The following DNAH17 variants were observed in gnomAD, a reference collection of about 807,000 sequenced individuals.
DNAH17 encodes the protein dynein axonemal heavy chain 17, also known as axonemal beta dynein heavy chain 17.
In DNAH17, 376 loss-of-function variants were observed where a neutral mutation model predicts 485.6. That is an observed-to-expected ratio of 0.77 (90% CI 0.71 to 0.84). DNAH17 has a LOEUF of 0.84. Ranked by LOEUF, DNAH17 falls within the 40% of genes least tolerant of loss-of-function variation. The pLI is 0.00. For missense variants in DNAH17, 6,370 were observed against 5,839.3 expected (o/e 1.09, Z -2.96); for synonymous variants, 3,031 against 2,405.9 (o/e 1.26, Z -7.60).
intron 19 of DNAH17, 74 bp from the exon 20 acceptor site, chr17:78,532,810 C>A (rs2091277494): frequency 6.9e-7 from 1 of 1,449,362 alleles, no homozygotes; most frequent in African/African-American, 1.4e-5. Flanking sequence ...GTCCTCTCGG[C>A]CTTGAGAAGT....
At chr17:78,482,992 G>A (rs2089417592) in intron 48 of DNAH17, among the ~76,000 whole-genome samples, 1 of 152,208 alleles carries the variant, frequency 6.6e-6, no homozygotes, top group Non-Finnish European at 1.5e-5. Context: ...GGCCTCGCGA[G>A]TTGCAGGGAA....
At position 78,561,812 on chromosome 17, in the gene DNAH17, T is replaced by C; in HGVS notation, c.1738A>G (p.Lys580Glu). The stretch of plus-strand genomic sequence containing the variant: ...TGCCCGGCCACGGGAGGCATGTTTT[T>C]GTGGATCAGGGGGATGTTCCCCTCC... Reference protein sequence around the residue: ...SEEGNIPLIHKNMPPVAGQLK... With the variant: ...SEEGNIPLIHENMPPVAGQLK... Residue 580 changes from lysine (K) to glutamate (E), a missense_variant, in exon 12 of 81, where the codon AAA becomes GAA. Transcript: ENST00000389840. 6.2e-7 allele frequency: 1 copy of C among 1,613,894 alleles called. No homozygotes were observed. The highest frequency in any genetic ancestry group is 8.5e-7 in the Non-Finnish European group (1 of 1,179,844).
chr17:78,537,451 T>A lies in DNAH17; in HGVS notation c.2707A>T (p.Met903Leu), dbSNP rs1266126107. The change falls in exon 19 of 81, where the codon ATG becomes TTG. Residue 903 changes from methionine to leucine, a missense_variant. Transcript: ENST00000389840. ...GTCAGCCCATCCTCGTCCAGCTCCA[T>A]GCGGATCTCAAACAGGGGAGCGATA... is the stretch of plus-strand genomic sequence containing the variant. ...ESIAPLFEIR[M>L]ELDEDGLTFN... is the part of the protein sequence containing the mutation. 2.5e-6 allele frequency: 4 copies of A among 1,613,358 alleles called. No homozygotes were observed. Among genetic ancestry groups the A allele is most frequent in the Non-Finnish European group, 2.5e-6 (3 of 1,179,838 alleles).
At position 78,569,371 on chromosome 17, in the gene DNAH17, G is replaced by C. The variant is rs1407515666; in HGVS notation, c.1197+4C>G. ...TTGGCCCTCGCCCTGCGAGGAAGGG[G>C]TACCTTAAAGAAAAGCTTCATGTTC... On this transcript the variant is annotated splice_donor_region_variant and intron_variant, in intron 8 of 80. Coordinates refer to ENST00000389840, the MANE Select transcript of DNAH17 (RefSeq NM_173628.4). The C allele has an allele frequency of 6.2e-7, 1 of 1,612,834 alleles. No individual in the cohort carries two copies. Among genetic ancestry groups the C allele is most frequent in the Admixed American group, 1.7e-5 (1 of 59,842 alleles).
At chr17:78,467,815 C>T (rs895613776) in intron 55 of DNAH17, among the ~76,000 whole-genome samples, 7 of 152,074 alleles carry the variant, frequency 4.6e-5, no homozygotes, top group African/African-American at 1.7e-4. Context: ...GTCAGGAGTT[C>T]AAGACCAGCC....
chr17:78,527,871 T>C lies in DNAH17; in HGVS notation c.3508-875A>G, dbSNP rs188207935. The stretch of plus-strand genomic sequence containing the variant: ...TTGGCTCACCACAACCGCTGCCTTC[T>C]GGGTTCAAGTGATTCTCATGCCTCA... On this transcript the variant is annotated intron_variant, in intron 22 of 80. Coordinates refer to ENST00000389840, the MANE Select transcript of DNAH17 (RefSeq NM_173628.4). Among the ~76,000 whole-genome samples the C allele has an allele frequency of 9.1e-4, 139 of 152,262 alleles. 3 individuals carry two copies. The East Asian group carries it at 0.022, about 24-fold the overall frequency.
chr17:78,493,601 T>TC (rs1381774828), intron 41 of DNAH17, among the ~76,000 whole-genome samples: 1 of 152,138 alleles, frequency 6.6e-6, no homozygotes, highest in Non-Finnish European at 1.5e-5. Flanking sequence ...AGCAGAAGGG[T>TC]CCAGCCTGTG....
At position 78,532,644 on chromosome 17, in the gene DNAH17, C is replaced by T. The variant is rs2091271773; in HGVS notation, c.2952G>A (p.Gln984=). The change falls in exon 20 of 81, where the codon CAG becomes CAA. Residue 984 remains glutamine, a synonymous_variant. Coordinates refer to ENST00000389840, the MANE Select transcript of DNAH17 (RefSeq NM_173628.4). The part of the protein sequence containing the change: ...INAMKEAEEY[Q]DSFERYSYLW... ...GGTAGGAGTACCTCTCAAAGGAATC[C>T]TGGTACTCCTCGGCCTCCTTCATGG... 1 of 1,599,246 alleles carries T rather than the reference C, an allele frequency of 6.3e-7. No individual in the cohort carries two copies.
chr17:78,553,519 C>T (rs1021223013), intron 14 of DNAH17, among the ~76,000 whole-genome samples: 4 of 151,978 alleles, frequency 2.6e-5, no homozygotes, highest in African/African-American at 4.8e-5. Flanking sequence ...CCAGGCTGGT[C>T]TTGAACTCCT....
At chr17:78,521,823 C>T (rs977194840) in intron 25 of DNAH17, among the ~76,000 whole-genome samples, 4 of 152,060 alleles carry the variant, frequency 2.6e-5, no homozygotes, top group African/African-American at 9.7e-5. Context: ...CCCATCTCTC[C>T]TAAAAATACA....
chr17:78,425,513 A>C lies in DNAH17; in HGVS notation c.12974T>G (p.Phe4325Cys). 2.5e-6 allele frequency: 4 copies of C among 1,613,864 alleles called. No homozygotes were observed. The highest frequency in any genetic ancestry group is 3.4e-6 in the Non-Finnish European group (4 of 1,179,908). The stretch of plus-strand genomic sequence containing the variant: ...CGTGAGGAACGACTGGGGGTTGAAG[A>C]AGCCGGCCAGCCACACGGTGGTGGG... ...ALPTTVWLAGFFNPQSFLTAI... is the reference protein window; with the variant it reads ...ALPTTVWLAGCFNPQSFLTAI... The change falls in exon 80 of 81, where the codon TTC becomes TGC. Residue 4325 changes from phenylalanine to cysteine, a missense_variant. By Grantham distance (205) the Phe-to-Cys change is radical. Coordinates refer to ENST00000389840, the MANE Select transcript of DNAH17 (RefSeq NM_173628.4).
Position 78,426,586 on chromosome 17 carries a change from G to A in DNAH17, c.12786C>T (p.Ile4262=), listed in dbSNP as rs748693420. Residue 4262 remains isoleucine, a synonymous_variant, in exon 79 of 81, where the codon ATC becomes ATT. Coordinates refer to ENST00000389840, the MANE Select transcript of DNAH17 (RefSeq NM_173628.4). ...LNLGLKGELT[I]TTDVEDLSTA... is the part of the protein sequence containing the mutation. Reference sequence around the variant, plus strand: ...TGGACAGATCTTCCACGTCGGTCGTGATGGTCAGTTCTCCCTAGGAGACAC... The same window carrying A: ...TGGACAGATCTTCCACGTCGGTCGTAATGGTCAGTTCTCCCTAGGAGACAC... 1 of 1,609,940 alleles carries A rather than the reference G, an allele frequency of 6.2e-7. No homozygotes were observed.
intron 48 of DNAH17, among the ~76,000 whole-genome samples, chr17:78,483,912 C>A (rs940450084): frequency 6.6e-6 from 1 of 151,986 alleles, no homozygotes; most frequent in African/African-American, 2.4e-5. Context: ...GCCTGGCCAA[C>A]ATGGCGAAAC....
chr17:78,458,944 G>A, intron 61 of DNAH17, 57 bp downstream of exon 61: 2 of 1,565,838 alleles, frequency 1.3e-6, no homozygotes, highest in Non-Finnish European at 8.8e-7. Flanking sequence ...GTATTGACTG[G>A]CAGCGCGAGC....
At chr17:78,526,548 C>A (rs910968141) in intron 24 of DNAH17, 103 bp downstream of exon 24, 3 of 1,004,562 alleles carry the variant, frequency 3.0e-6, no homozygotes, top group Non-Finnish European at 4.4e-6. Flanking sequence ...AAGGTCAGTC[C>A]GGCGGAGACC....
At chr17:78,573,039 G>A in intron 2 of DNAH17, 145 bp from the exon 3 acceptor site, 1 of 684,478 alleles carries the variant, frequency 1.5e-6, no homozygotes, top group Admixed American at 3.0e-5. Flanking sequence ...GGTCCCCAGG[G>A]GGATTCCAAA....
intron 44 of DNAH17, chr17:78,490,113 T>TCCC (rs1234198590): frequency 6.6e-6 from 1 of 152,360 alleles, no homozygotes; most frequent in Non-Finnish European, 1.5e-5. Context: ...CTTAAACCCA[T>TCCC]CCCTTCCTCT....
At chr17:78,467,266 G>A (rs2088516793) in intron 55 of DNAH17, among the ~76,000 whole-genome samples, 1 of 152,170 alleles carries the variant, frequency 6.6e-6, no homozygotes, top group Admixed American at 6.5e-5. Flanking sequence ...CAGGCCTGGG[G>A]GGCTCTCTGG....
chr17:78,480,632 G>A (rs2089306894), intron 49 of DNAH17, 52 bp downstream of exon 49: 1 of 1,491,448 alleles, frequency 6.7e-7, no homozygotes, highest in Non-Finnish European at 9.2e-7. Flanking sequence ...TTTGCCAGAA[G>A]CAAGCCTCAG....
Sources: allele counts gnomAD v4.1 joint callset (sites outside exome capture counted in the v4.1 genomes callset), GRCh38; gene constraint gnomAD v4.1.1; transcripts MANE v1.5; gene names NCBI Gene and HGNC (gene_info 2026-07-23, HGNC 2026-07-21).